The following DNAJC16 variants were observed in gnomAD, a reference collection of about 807,000 sequenced individuals.
DNAJC16 encodes the protein DnaJ heat shock protein family (Hsp40) member C16.
A neutral mutation model predicts 92.7 loss-of-function variants in DNAJC16; 76 were observed. That is an observed-to-expected ratio of 0.82 (90% CI 0.68 to 0.99). DNAJC16 has a LOEUF of 0.99. DNAJC16 is among the 50% of genes least tolerant of loss of function. The pLI is 0.00. For synonymous variants in DNAJC16, 328 were observed against 358.7 expected (o/e 0.91, Z 0.97); for missense variants, 869 against 942.4 (o/e 0.92, Z 1.02).
chr1:15,567,055 C>T (rs771562086), intron 13 of DNAJC16, 44 bp from the exon 14 acceptor site: 11 of 1,572,140 alleles, frequency 7.0e-6, no homozygotes, highest in Non-Finnish European at 9.6e-6. Flanking sequence ...AACGGCTTTC[C>T]CCCTATCCTG....
intron 4 of DNAJC16, among the ~76,000 whole-genome samples, chr1:15,542,602 T>C (rs1710958105): frequency 6.6e-6 from 1 of 152,238 alleles, no homozygotes; most frequent in Admixed American, 6.5e-5. Flanking sequence ...CTTTGATTTA[T>C]AGCCAGTTGG....
rs149269672 is a variant in DNAJC16 at position 15,567,338 on chromosome 1, A to G, written c.1949+69A>G. The G allele has an allele frequency of 5.2e-4, 790 of 1,506,970 alleles. 6 individuals are homozygous for G. In the African/African-American group the frequency reaches 9.2e-3, roughly 18 times the overall value. 93.3% of individuals were successfully genotyped at this position (1,506,970 alleles called of 1,614,324 possible). A position where few individuals can be genotyped will look rare whatever the true frequency, so the allele number is the denominator to read the frequency against. On this transcript the variant is annotated intron_variant, in intron 14 of 14. Coordinates refer to ENST00000375847, the MANE Select transcript of DNAJC16 (RefSeq NM_015291.4). ...AGAGAGGCAGGCACACTGAAATTGCACGCTTTTCTCTTTGGTCTTGTGGGG... is the reference window on the plus strand; with the variant it reads ...AGAGAGGCAGGCACACTGAAATTGCGCGCTTTTCTCTTTGGTCTTGTGGGG...
intron 7 of DNAJC16, among the ~76,000 whole-genome samples, chr1:15,549,394 G>A (rs1315296279): frequency 6.6e-6 from 1 of 152,168 alleles, no homozygotes; most frequent in Non-Finnish European, 1.5e-5. Context: ...GTCCTGAGTA[G>A]GGTAAGATCT....
chr1:15,567,645 T>A, intron 14 of DNAJC16, 133 bp from the exon 15 acceptor site: 1 of 1,024,808 alleles, frequency 9.8e-7, no homozygotes, highest in Non-Finnish European at 1.4e-6. Flanking sequence ...AAGGCCTTCT[T>A]TTTCTCTGTG....
chr1:15,540,307 C>T (rs1189004795), intron 4 of DNAJC16, among the ~76,000 whole-genome samples: 2 of 151,836 alleles, frequency 1.3e-5, no homozygotes, highest in Non-Finnish European at 2.9e-5. Flanking sequence ...GCCTGGGCGA[C>T]AGAATGAGAC....
intron 4 of DNAJC16, among the ~76,000 whole-genome samples, chr1:15,538,386 C>A (rs1196878119): frequency 6.6e-6 from 1 of 151,108 alleles, no homozygotes; most frequent in Non-Finnish European, 1.5e-5. Flanking sequence ...CAGAGCGAGA[C>A]TCTGTCTCAA....
chr1:15,540,740 T>G (rs573459260), intron 4 of DNAJC16, among the ~76,000 whole-genome samples: 1 of 152,290 alleles, frequency 6.6e-6, no homozygotes, highest in South Asian at 2.1e-4. Context: ...CCCAGCCAAC[T>G]TTTCAGTTTC....
chr1:15,536,648 C>G lies in DNAJC16; in HGVS notation c.408C>G (p.Asp136Glu). The change falls in exon 4 of 15, where the codon GAC becomes GAG. Residue 136 changes from aspartate (D) to glutamate (E), a missense_variant. Asp to Glu is a conservative substitution (Grantham distance 45). Coordinates refer to ENST00000375847, the MANE Select transcript of DNAJC16 (RefSeq NM_015291.4). ...FHFPFNSERRDSIDEKYLLHF... is the reference protein window; with the variant it reads ...FHFPFNSERRESIDEKYLLHF... ...TCCCTTTTAATTCTGAACGGCGGGACTCAATTGACGAAAAGTATTTATTGC... is the reference window on the plus strand; with the variant it reads ...TCCCTTTTAATTCTGAACGGCGGGAGTCAATTGACGAAAAGTATTTATTGC... 1 of 1,614,054 alleles carries G rather than the reference C, an allele frequency of 6.2e-7. No homozygotes were observed. The highest frequency in any genetic ancestry group is 8.5e-7 in the Non-Finnish European group (1 of 1,180,020).
chr1:15,544,250 C>T, intron 4 of DNAJC16, 149 bp from the exon 5 acceptor site: 1 of 710,444 alleles, frequency 1.4e-6, no homozygotes, highest in South Asian at 2.8e-5. Context: ...TCTAGAATTC[C>T]AGCAGTGAAA....
chr1:15,568,036 T>G lies in DNAJC16; in HGVS notation c.2208T>G (p.Gly736=), dbSNP rs774355617. ...ATGTTGACTCTTCCCTCTACCTGGG[T>G]GAATCTCGAGGGAAACCTTCCTGTG... ...CSDVDSSLYL[G]ESRGKPSCGL... is the part of the protein sequence containing the mutation. The change falls in exon 15 of 15, where the codon GGT becomes GGG. Residue 736 remains glycine, a synonymous_variant. Coordinates refer to ENST00000375847, the MANE Select transcript of DNAJC16 (RefSeq NM_015291.4). 2 of 1,614,034 alleles carry G rather than the reference T, an allele frequency of 1.2e-6. No individual in the cohort carries two copies. Among genetic ancestry groups the G allele is most frequent in the African/African-American group, 2.7e-5 (2 of 74,914 alleles).
intron 4 of DNAJC16, among the ~76,000 whole-genome samples, chr1:15,538,397 GA>G (rs1404445109): frequency 6.7e-6 from 1 of 149,170 alleles, no homozygotes; most frequent in Non-Finnish European, 1.5e-5. Context: ...TCTGTCTCAA[GA>G]AAAAAAAATA....
chr1:15,538,475 T>C (rs1710847439), intron 4 of DNAJC16, among the ~76,000 whole-genome samples: 1 of 152,070 alleles, frequency 6.6e-6, no homozygotes, highest in Admixed American at 6.5e-5. Flanking sequence ...CCCAGCACTT[T>C]GGGAGGCCAA....
At chr1:15,531,800 C>T (rs1458224486) in intron 2 of DNAJC16, among the ~76,000 whole-genome samples, 1 of 152,030 alleles carries the variant, frequency 6.6e-6, no homozygotes, top group Non-Finnish European at 1.5e-5. Flanking sequence ...TTATTTTCTG[C>T]GGTTTTGGCT....
chr1:15,556,766 G>C (rs1270135559), intron 7 of DNAJC16, among the ~76,000 whole-genome samples: 4 of 151,548 alleles, frequency 2.6e-5, no homozygotes, highest in African/African-American at 4.9e-5. Context: ...CCTTGTTCTT[G>C]ATTTCAAAGA....
At chr1:15,559,723 G>A in intron 8 of DNAJC16, 67 bp downstream of exon 8, 1 of 1,578,626 alleles carries the variant, frequency 6.3e-7, no homozygotes, top group Non-Finnish European at 8.6e-7. Context: ...TTTTACTATA[G>A]GGTGACTAGA....
intron 1 of DNAJC16, among the ~76,000 whole-genome samples, 172 bp downstream of exon 1, chr1:15,527,130 C>T (rs949980364): frequency 6.6e-6 from 1 of 152,070 alleles, no homozygotes; most frequent in African/African-American, 2.4e-5. Flanking sequence ...AGGGGGCTGT[C>T]TCCTGCAGGG....
In DNAJC16 at chr1:15,565,354, G is replaced by A. The variant is rs188858042; in HGVS notation, c.1599-565G>A. 372 of 160,082 alleles carry A rather than the reference G, an allele frequency of 2.3e-3. 2 individuals are homozygous for A. Among genetic ancestry groups the A allele is most frequent in the Non-Finnish European group, 4.0e-3 (297 of 73,534 alleles). The allele number at this position is 160,082 out of a possible 1,614,324, so 9.9% of individuals were successfully genotyped here. A position where few individuals can be genotyped will look rare whatever the true frequency, so the allele number is the denominator to read the frequency against. ...GATACCCACTCCCACCTACTGATGA[G>A]ACCATGAGCCCCTGAAGGACAGAAC... On this transcript the variant is annotated intron_variant, in intron 11 of 14. Coordinates refer to ENST00000375847, the MANE Select transcript of DNAJC16 (RefSeq NM_015291.4).
chr1:15,529,439 AGC>A, intron 2 of DNAJC16, among the ~76,000 whole-genome samples, 167 bp downstream of exon 2: 1 of 152,280 alleles, frequency 6.6e-6, no homozygotes, highest in African/African-American at 2.4e-5. Context: ...TATAATTGTT[AGC>A]GATAAGATCC....
intron 3 of DNAJC16, among the ~76,000 whole-genome samples, chr1:15,535,879 C>T (rs889353158): frequency 4.0e-5 from 6 of 151,620 alleles, no homozygotes; most frequent in African/African-American, 1.5e-4. Flanking sequence ...TCCCACTCAC[C>T]TCACCCTCCC....
Sources: gnomAD v4.1 joint callset for allele counts (sites outside exome capture counted in the v4.1 genomes callset) on GRCh38, gnomAD v4.1.1 for gene constraint, MANE v1.5 for transcripts, NCBI Gene and HGNC (gene_info 2026-07-23, HGNC 2026-07-21) for gene names.